GPR107: variants seen among roughly 807,000 people sequenced by gnomAD.
GPR107 encodes G protein-coupled receptor 107, also known as protein GPR107.
In GPR107, 31 loss-of-function variants were observed where a neutral mutation model predicts 75.5. The ratio of observed to expected loss-of-function variants is 0.41; its 90% confidence interval spans 0.31 to 0.55. The LOEUF is 0.55. Among genes scored for constraint, GPR107 ranks in the 20% least tolerant of loss-of-function variants. GPR107 has a pLI of 0.26. For missense variants in GPR107, 572 were observed against 665.7 expected, an observed-to-expected ratio of 0.86 and a Z score of 1.55; for synonymous variants, 267 against 251.3, an observed-to-expected ratio of 1.06 and a Z score of -0.59.
intron 1 of GPR107, among the ~76,000 whole-genome samples, chr9:130,064,068 C>CTCACTTGTAA (rs1830000298): frequency 6.6e-6 from 1 of 151,534 alleles, no homozygotes; most frequent in Non-Finnish European, 1.5e-5. Context: ...AGGCCTTGGC[C>CTCACTTGTAA]TCACAAAGTG....
At chr9:130,097,754 G>A (rs1830912272) in intron 9 of GPR107, among the ~76,000 whole-genome samples, 1 of 149,798 alleles carries the variant, frequency 6.7e-6, no homozygotes, top group Non-Finnish European at 1.5e-5. Flanking sequence ...AGTTGTCCAG[G>A]CTGGAGCAGT....
intron 14 of GPR107, among the ~76,000 whole-genome samples, chr9:130,122,428 C>T (rs1349121752): frequency 2.0e-5 from 3 of 152,132 alleles, no homozygotes; most frequent in East Asian, 3.9e-4. Context: ...TCCCAGAGGG[C>T]GAAGGTTAAA....
intron 9 of GPR107, 122 bp from the exon 10 acceptor site, chr9:130,099,335 T>C (rs533314583): frequency 2.3e-5 from 14 of 609,354 alleles, no homozygotes; most frequent in South Asian, 2.2e-4. Context: ...AAAAGTTTCA[T>C]GTTTGTGGTT....
chr9:130,108,069 A>T (rs1697000293), intron 14 of GPR107, among the ~76,000 whole-genome samples: 2 of 152,228 alleles, frequency 1.3e-5, no homozygotes, highest in Non-Finnish European at 2.9e-5. Flanking sequence ...CTTTCCAGTC[A>T]TGCCTCCTAA....
At chr9:130,076,379 A>G in intron 2 of GPR107, 33 bp from the exon 3 acceptor site, 2 of 1,283,016 alleles carry the variant, frequency 1.6e-6, no homozygotes, top group Non-Finnish European at 2.3e-6. Flanking sequence ...AATTGTGTAG[A>G]TATTTACTTC....
chr9:130,081,374 C>G (rs1830490009), intron 5 of GPR107, among the ~76,000 whole-genome samples: 1 of 151,696 alleles, frequency 6.6e-6, no homozygotes, highest in African/African-American at 2.4e-5. Context: ...CCCATCTCTA[C>G]TAAAAATACA....
At chr9:130,065,546 A>G (rs1193076660) in intron 1 of GPR107, among the ~76,000 whole-genome samples, 1 of 151,974 alleles carries the variant, frequency 6.6e-6, no homozygotes, top group Non-Finnish European at 1.5e-5. Context: ...CGGGCACCTC[A>G]CTTGAGGTCA....
intron 1 of GPR107, among the ~76,000 whole-genome samples, chr9:130,071,689 GT>G (rs1830215726): frequency 6.6e-6 from 1 of 151,770 alleles, no homozygotes; most frequent in African/African-American, 2.4e-5. Flanking sequence ...TTTTTGTTTT[GT>G]TTTGTTTTTT....
intron 7 of GPR107, among the ~76,000 whole-genome samples, chr9:130,089,453 G>T (rs1256958890): frequency 1.3e-5 from 2 of 152,142 alleles, no homozygotes; most frequent in African/African-American, 2.4e-5. Context: ...CCCAGTCTTG[G>T]ATGGTGCAGT....
chr9:130,068,269 G>A (rs1399714144), intron 1 of GPR107, among the ~76,000 whole-genome samples: 1 of 152,118 alleles, frequency 6.6e-6, no homozygotes, highest in African/African-American at 2.4e-5. Context: ...TCCTGCCACA[G>A]TGGCCCCTGC....
rs1367078446 is a variant in GPR107 at position 130,127,514 on chromosome 9, T to C, written c.1388T>C (p.Ile463Thr). Residue 463 changes from isoleucine (I) to threonine (T), a missense_variant, in exon 16 of 18, where the codon ATT becomes ACT. Coordinates refer to ENST00000347136, the MANE Select transcript of GPR107 (RefSeq NM_020960.5). ...IVCYIYFTRI[I>T]AFLLKLAVPF... ...TGTTACATATACTTCACTAGGATCATTGCATTTCTCCTCAAACTCGCTGTT... is the reference window on the plus strand; with the variant it reads ...TGTTACATATACTTCACTAGGATCACTGCATTTCTCCTCAAACTCGCTGTT... 1.2e-6 allele frequency: 2 copies of C among 1,600,944 alleles called. No individual in the cohort carries two copies. The highest frequency in any genetic ancestry group is 1.1e-5 in the South Asian group (1 of 90,836).
At chr9:130,081,169 C>T (rs1383527651) in intron 5 of GPR107, among the ~76,000 whole-genome samples, 1 of 151,892 alleles carries the variant, frequency 6.6e-6, no homozygotes, top group Non-Finnish European at 1.5e-5. Context: ...AGCCGTGATG[C>T]ACTGCAGCCT....
At chr9:130,108,989 A>G (rs1249214727) in intron 14 of GPR107, among the ~76,000 whole-genome samples, 1 of 97,546 alleles carries the variant, frequency 1.0e-5, no homozygotes, top group Non-Finnish European at 2.0e-5. Flanking sequence ...AATTGGGGAT[A>G]TTCTTTTTTT....
intron 14 of GPR107, among the ~76,000 whole-genome samples, chr9:130,117,236 C>G (rs1564681500): frequency 6.8e-6 from 1 of 147,152 alleles, no homozygotes; most frequent in African/African-American, 2.5e-5. Context: ...TGTGAGCCAC[C>G]ATGCCTGGCC....
chr9:130,079,036 G>A (rs960326858), intron 4 of GPR107, among the ~76,000 whole-genome samples: 1 of 152,180 alleles, frequency 6.6e-6, no homozygotes, highest in African/African-American at 2.4e-5. Flanking sequence ...TTGGCTCATT[G>A]CATCCTCCAC....
At chr9:130,093,090 T>TA (rs1403924203) in intron 9 of GPR107, among the ~76,000 whole-genome samples, 2 of 152,176 alleles carry the variant, frequency 1.3e-5, no homozygotes, top group African/African-American at 4.8e-5. Flanking sequence ...AGCATGGAGT[T>TA]ACTGCTTAGA....
chr9:130,094,987 GTT>G (rs112219857), intron 9 of GPR107, among the ~76,000 whole-genome samples: 1 of 151,086 alleles, frequency 6.6e-6, no homozygotes, highest in Admixed American at 6.6e-5. Context: ...GGCCTCTGTT[GTT>G]TTTTTTTATT....
At chr9:130,054,224 G>T in intron 1 of GPR107, 151 bp downstream of exon 1, 1 of 799,966 alleles carries the variant, frequency 1.3e-6, no homozygotes, top group East Asian at 2.8e-5. Context: ...GGGGTCTGTG[G>T]GGAAGGCGGG....
intron 1 of GPR107, among the ~76,000 whole-genome samples, chr9:130,070,004 T>TAA (rs1830164241): frequency 9.7e-6 from 1 of 102,568 alleles, no homozygotes; most frequent in African/African-American, 3.7e-5. Context: ...TTTTTTTTTT[T>TAA]TTTTTTTAAA....
Sources: allele counts gnomAD v4.1 joint callset (sites outside exome capture counted in the v4.1 genomes callset), GRCh38; gene constraint gnomAD v4.1.1; transcripts MANE v1.5; gene names NCBI Gene and HGNC (gene_info 2026-07-23, HGNC 2026-07-21).